ALG6: variants seen among roughly 807,000 people sequenced by gnomAD.
ALG6 encodes ALG6 alpha-1,3-glucosyltransferase.
Under a neutral mutation model 66.6 loss-of-function variants are expected in ALG6, and 46 were observed. That is an observed-to-expected ratio of 0.69 (90% confidence interval 0.55 to 0.88). ALG6 has a LOEUF of 0.88. Ranked by LOEUF, ALG6 falls within the 40% of genes least tolerant of loss-of-function variation. ALG6 has a pLI of 0.00. For synonymous variants in ALG6, 185 were observed against 203.7 expected, an observed-to-expected ratio of 0.91 and a Z score of 0.78; for missense variants, 505 against 586.8, an observed-to-expected ratio of 0.86 and a Z score of 1.44.
At position 63,429,136 on chromosome 1, in the gene ALG6, A is replaced by G; in HGVS notation, c.1326+10A>G. 3 of 1,565,822 alleles carry G rather than the reference A, an allele frequency of 1.9e-6. No homozygotes were observed. Among genetic ancestry groups the G allele is most frequent in the South Asian group, 1.1e-5 (1 of 87,328 alleles). On this transcript the variant is annotated intron_variant, in intron 14 of 14. Transcript: ENST00000263440. ...AATTATACAATATTTGGTAAGTTCA[A>G]TTTTTAAGAAATGACACATTTTTCA... is the stretch of plus-strand genomic sequence containing the variant.
intron 2 of ALG6, among the ~76,000 whole-genome samples, chr1:63,386,283 T>G (rs2100394793): frequency 6.6e-6 from 1 of 152,300 alleles, no homozygotes; most frequent in African/African-American, 2.4e-5. Context: ...TTTTTTTCTT[T>G]TTTTAATATG....
intron 11 of ALG6, among the ~76,000 whole-genome samples, chr1:63,418,253 G>A (rs1056818492): frequency 1.3e-5 from 2 of 149,468 alleles, no homozygotes; most frequent in African/African-American, 4.9e-5. Flanking sequence ...GGGTTTTTCT[G>A]AGTAGCTTTA....
intron 12 of ALG6, among the ~76,000 whole-genome samples, chr1:63,422,106 TAAATATATATAA>T (rs1644577650): frequency 1.2e-5 from 1 of 85,866 alleles, no homozygotes; most frequent in African/African-American, 3.8e-5. Context: ...TATATAAATA[TAAATATATATAA>T]ATATATAAAT....
At chr1:63,385,875 T>A (rs1454425341) in intron 2 of ALG6, among the ~76,000 whole-genome samples, 1 of 64,932 alleles carries the variant, frequency 1.5e-5, no homozygotes, top group Non-Finnish European at 2.7e-5. Context: ...GTTGTGAAAG[T>A]GGGCATTCTT....
chr1:63,373,332 T>G (rs957873087), intron 2 of ALG6, among the ~76,000 whole-genome samples: 3 of 151,740 alleles, frequency 2.0e-5, no homozygotes, highest in African/African-American at 7.3e-5. Context: ...CTATAGTTTC[T>G]CTTTTCTCTT....
At chr1:63,434,632 C>G (rs1644668311) in intron 14 of ALG6, among the ~76,000 whole-genome samples, 1 of 152,140 alleles carries the variant, frequency 6.6e-6, no homozygotes, top group South Asian at 2.1e-4. Context: ...AAAAACTCAT[C>G]AGCTATCGTT....
chr1:63,384,817 T>A (rs1487541244), intron 2 of ALG6, among the ~76,000 whole-genome samples: 2 of 152,166 alleles, frequency 1.3e-5, no homozygotes, highest in Non-Finnish European at 2.9e-5. Flanking sequence ...GGGTTCTCTA[T>A]TCTGTTCCAT....
intron 5 of ALG6, 32 bp from the exon 6 acceptor site, chr1:63,406,285 T>TC: frequency 6.3e-7 from 1 of 1,581,558 alleles, no homozygotes; most frequent in Non-Finnish European, 8.7e-7. Flanking sequence ...CCTGATGGAC[T>TC]CATGTTTAAA....
At chr1:63,373,130 C>T (rs1164759860) in intron 2 of ALG6, among the ~76,000 whole-genome samples, 1 of 151,972 alleles carries the variant, frequency 6.6e-6, no homozygotes, top group African/African-American at 2.4e-5. Context: ...CCTCAGCCTA[C>T]CAAGTAGCTG....
Position 63,371,075 on chromosome 1 carries a change from T to C in ALG6, c.82+16T>C. On this transcript the variant is annotated intron_variant, in intron 2 of 14. Coordinates refer to ENST00000263440, the MANE Select transcript of ALG6 (RefSeq NM_013339.4). ...TCTTATTCAGGTAATACATTTTTAC[T>C]GGTTAAAAAAAAAACGAAATTTTCC... is the stretch of plus-strand genomic sequence containing the variant. 3.2e-6 allele frequency: 5 copies of C among 1,571,966 alleles called. No homozygotes were observed. The highest frequency in any genetic ancestry group is 4.4e-6 in the Non-Finnish European group (5 of 1,142,354).
At chr1:63,377,097 G>T (rs996936494) in intron 2 of ALG6, among the ~76,000 whole-genome samples, 2 of 152,066 alleles carry the variant, frequency 1.3e-5, no homozygotes, top group African/African-American at 4.8e-5. Flanking sequence ...TAGTGGCTGG[G>T]ATTACAGGCG....
intron 12 of ALG6, among the ~76,000 whole-genome samples, chr1:63,427,364 A>G (rs1644621193): frequency 6.6e-6 from 1 of 151,934 alleles, no homozygotes; most frequent in African/African-American, 2.4e-5. Context: ...TTTAAATCTC[A>G]TATATTAGTT....
chr1:63,436,793 A>G (rs754570234), intron 14 of ALG6, 30 bp from the exon 15 acceptor site: 5 of 1,601,488 alleles, frequency 3.1e-6, no homozygotes, highest in South Asian at 1.1e-5. Flanking sequence ...CACCTTTTAT[A>G]CTACTCAGTA....
In ALG6 at chr1:63,433,089, C is replaced by T. The variant is rs1031605584; in HGVS notation, c.1327-3734C>T. 1.2e-4 allele frequency among the ~76,000 whole-genome samples: 19 copies of T among 152,066 alleles called. No homozygotes were observed. The highest frequency in any genetic ancestry group is 2.5e-4 in the Non-Finnish European group (17 of 68,018). On this transcript the variant is annotated intron_variant, in intron 14 of 14. Transcript: ENST00000263440. The surrounding 1 kb of genome is among the most constrained non-coding windows in gnomAD (Gnocchi z 4.2). ...TCCTGAGTAGCTGGGACTACAGGCA[C>T]GTGCCACCACACCCTGCCAATTTTT...
chr1:63,427,757 T>C (rs6686292), intron 12 of ALG6, among the ~76,000 whole-genome samples: 90,485 of 149,656 alleles, frequency 0.6, 29,121 homozygotes, highest in African/African-American at 0.82. Flanking sequence ...GTAAGGAGGT[T>C]ACAGGGCTTA....
intron 2 of ALG6, among the ~76,000 whole-genome samples, chr1:63,387,698 C>G (rs767324350): frequency 6.6e-6 from 1 of 151,562 alleles, no homozygotes; most frequent in Non-Finnish European, 1.5e-5. Context: ...TGCACCACCA[C>G]GCCCAGCTAA....
rs1442829360 is a variant in ALG6 at position 63,422,210 on chromosome 1, A to G, written c.1058+2770A>G. ...ATAAATATATATCTATATGAATATA[A>G]ATATATATTTATATAAATATAAATA... On this transcript the variant is annotated intron_variant, in intron 12 of 14. Transcript: ENST00000263440. Among the ~76,000 whole-genome samples the G allele has an allele frequency of 1.9e-4, 20 of 106,882 alleles. 2 individuals carry two copies. Among genetic ancestry groups the G allele is most frequent in the African/African-American group, 7.8e-4 (18 of 23,052 alleles). The allele number at this position is 106,882 out of a possible 152,430, so 70.1% of individuals were successfully genotyped here. A position where few individuals can be genotyped will look rare whatever the true frequency, so the allele number is the denominator to read the frequency against.
At chr1:63,415,548 G>A (rs1321669927) in intron 10 of ALG6, among the ~76,000 whole-genome samples, 1 of 151,982 alleles carries the variant, frequency 6.6e-6, no homozygotes, top group Non-Finnish European at 1.5e-5. Flanking sequence ...TTCTTATTTT[G>A]AGTGTTTGAT....
intron 12 of ALG6, among the ~76,000 whole-genome samples, chr1:63,422,026 A>G (rs1644576396): frequency 7.1e-6 from 1 of 141,250 alleles, no homozygotes; most frequent in Non-Finnish European, 1.5e-5. Context: ...ATATATATAC[A>G]TATATGTATA....
Sources: allele counts gnomAD v4.1 joint callset (sites outside exome capture counted in the v4.1 genomes callset), GRCh38; gene constraint gnomAD v4.1.1; non-coding constraint Gnocchi (gnomAD v3.1); transcripts MANE v1.5; gene names NCBI Gene and HGNC (gene_info 2026-07-23, HGNC 2026-07-21).